Variants in CCDC85A observed in about 807,000 individuals in gnomAD.
CCDC85A encodes coiled-coil domain containing 85A.
Under a neutral mutation model 50.2 loss-of-function variants are expected in CCDC85A, and 38 were observed. That is an observed-to-expected ratio of 0.76 (90% CI 0.58 to 0.99). The LOEUF (loss-of-function observed/expected upper bound fraction) is 0.99. Ranked by LOEUF, CCDC85A falls within the 50% of genes least tolerant of loss-of-function variation. The pLI, the probability that CCDC85A is intolerant of heterozygous loss-of-function variation, is 0.00. For missense variants in CCDC85A, 820 were observed against 742.0 expected (o/e 1.11, Z -1.22); for synonymous variants, 366 against 301.4 (o/e 1.21, Z -2.22).
At chr2:56,205,680 T>C (rs1237676039) in intron 2 of CCDC85A, among the ~76,000 whole-genome samples, 1 of 152,168 alleles carries the variant, frequency 6.6e-6, no homozygotes, top group Non-Finnish European at 1.5e-5. Context: ...TTCATTTGCT[T>C]TGTATAAATC....
At chr2:56,373,863 A>G (rs1676203508) in intron 4 of CCDC85A, among the ~76,000 whole-genome samples, 1 of 152,184 alleles carries the variant, frequency 6.6e-6, no homozygotes. Context: ...TACTCAGGAA[A>G]GAGGAGCTTC....
chr2:56,219,093 A>G (rs555144531), intron 2 of CCDC85A, among the ~76,000 whole-genome samples: 96 of 150,772 alleles, frequency 6.4e-4, no homozygotes, highest in South Asian at 5.3e-3. Flanking sequence ...TGAATTTTGT[A>G]TATACTATTT....
intron 5 of CCDC85A, among the ~76,000 whole-genome samples, chr2:56,382,992 A>T (rs1044480375): frequency 6.6e-6 from 1 of 151,962 alleles, no homozygotes; most frequent in African/African-American, 2.4e-5. Flanking sequence ...GACTTTCCTA[A>T]GTCTCTTGTG....
intron 2 of CCDC85A, among the ~76,000 whole-genome samples, chr2:56,208,179 A>C (rs757595017): frequency 2.0e-5 from 3 of 150,960 alleles, no homozygotes; most frequent in Non-Finnish European, 4.4e-5. Flanking sequence ...CCATACAATG[A>C]GGTCACATGT....
At chr2:56,187,287 C>T (rs2103809039) in intron 1 of CCDC85A, among the ~76,000 whole-genome samples, 1 of 152,186 alleles carries the variant, frequency 6.6e-6, no homozygotes, top group African/African-American at 2.4e-5. Context: ...AATACATTTT[C>T]TTTTTTATGC....
intron 3 of CCDC85A, among the ~76,000 whole-genome samples, chr2:56,369,022 C>T (rs1675945298): frequency 6.6e-6 from 1 of 151,872 alleles, no homozygotes; most frequent in Admixed American, 6.6e-5. Flanking sequence ...GTAATTTTCC[C>T]TACTGCAGAG....
chr2:56,271,766 T>C (rs1670709510), intron 2 of CCDC85A, among the ~76,000 whole-genome samples: 2 of 152,228 alleles, frequency 1.3e-5, no homozygotes, highest in Middle Eastern at 3.4e-3. Context: ...AAGCACCAGG[T>C]CAGGAAGCTA....
At chr2:56,253,751 T>TAGC (rs1669868634) in intron 2 of CCDC85A, among the ~76,000 whole-genome samples, 1 of 152,200 alleles carries the variant, frequency 6.6e-6, no homozygotes, top group Admixed American at 6.5e-5. Flanking sequence ...ATTGATGGAT[T>TAGC]AGCCATAGAG....
At position 56,385,257 on chromosome 2, in the gene CCDC85A, G is replaced by A. The variant is rs1222383956; in HGVS notation, c.*902G>A. On this transcript the variant is annotated 3_prime_UTR_variant, in exon 6 of 6. Transcript: ENST00000407595. ...ATGCTGTATATTTAATAAACTTTATGTAAACTTTAAAATATTGCACTGCAT... is the reference window on the plus strand; with the variant it reads ...ATGCTGTATATTTAATAAACTTTATATAAACTTTAAAATATTGCACTGCAT... The A allele has an allele frequency of 6.6e-6, 1 of 152,116 alleles. No individual in the cohort carries two copies. Among genetic ancestry groups the A allele is most frequent in the African/African-American group, 2.4e-5 (1 of 41,352 alleles). 9.4% of individuals were successfully genotyped at this position (152,116 alleles called of 1,614,324 possible).
chr2:56,296,905 A>G (rs1337903419), intron 2 of CCDC85A, among the ~76,000 whole-genome samples: 2 of 152,344 alleles, frequency 1.3e-5, no homozygotes, highest in Non-Finnish European at 1.5e-5. Context: ...AAATAGAATA[A>G]CACCATATAG....
chr2:56,381,871 C>A (rs778413761), intron 5 of CCDC85A, among the ~76,000 whole-genome samples: 1 of 151,992 alleles, frequency 6.6e-6, no homozygotes, highest in African/African-American at 2.4e-5. Flanking sequence ...TGTTTGCCTG[C>A]ACTTTCAAAA....
In CCDC85A at chr2:56,291,010, G is replaced by A. The variant is rs577416009; in HGVS notation, c.1241-51869G>A. On this transcript the variant is annotated intron_variant, in intron 2 of 5. Coordinates refer to ENST00000407595, the MANE Select transcript of CCDC85A (RefSeq NM_001080433.2). ...GTGTTTTGCAGATTCATTTGACCATGTAACTCTTTTGGGGGATTATTTGAA... is the reference window on the plus strand; with the variant it reads ...GTGTTTTGCAGATTCATTTGACCATATAACTCTTTTGGGGGATTATTTGAA... Among the ~76,000 whole-genome samples, 17 of 152,332 alleles carry A rather than the reference G, an allele frequency of 1.1e-4. No individual in the cohort carries two copies. In the East Asian group the frequency reaches 1.5e-3, roughly 14 times the overall value.
At position 56,184,228 on chromosome 2, in the gene CCDC85A, G is replaced by A. The variant is rs960489; in HGVS notation, c.-397G>A. 880,765 of 985,526 alleles carry A rather than the reference G, an allele frequency of 0.89. 394,177 individuals are homozygous for A. Among genetic ancestry groups the A allele is most frequent in the Non-Finnish European group, 0.9 (746,260 of 825,870 alleles). The allele number at this position is 985,526 out of a possible 1,614,324, so 61.0% of individuals were successfully genotyped here. A position where few individuals can be genotyped will look rare whatever the true frequency, so the allele number is the denominator to read the frequency against. On this transcript the variant is annotated 5_prime_UTR_variant, in exon 1 of 6. Transcript: ENST00000407595. Reference sequence around the variant, plus strand: ...GCGTGTGCGTGCACGCCTGTGTGCAGGGCAGAGAGTGCGGGGGGCGACAGT... The same window carrying A: ...GCGTGTGCGTGCACGCCTGTGTGCAAGGCAGAGAGTGCGGGGGGCGACAGT...
chr2:56,250,794 T>C (rs1199665836), intron 2 of CCDC85A, among the ~76,000 whole-genome samples: 1 of 152,108 alleles, frequency 6.6e-6, no homozygotes, highest in African/African-American at 2.4e-5. Context: ...ATTGCTAGAG[T>C]TGATCTATTG....
chr2:56,288,557 A>T (rs1473989191), intron 2 of CCDC85A, among the ~76,000 whole-genome samples: 1 of 152,034 alleles, frequency 6.6e-6, no homozygotes, highest in Non-Finnish European at 1.5e-5. Context: ...TTGATGTGTG[A>T]GACATAATTA....
chr2:56,349,819 T>C (rs2104340283), intron 3 of CCDC85A, among the ~76,000 whole-genome samples: 1 of 152,304 alleles, frequency 6.6e-6, no homozygotes, highest in Admixed American at 6.5e-5. Flanking sequence ...ATTCTATCTT[T>C]GAATGAAGGT....
intron 2 of CCDC85A, among the ~76,000 whole-genome samples, chr2:56,302,253 C>T (rs1017744391): frequency 3.3e-5 from 5 of 151,996 alleles, no homozygotes; most frequent in African/African-American, 1.2e-4. Context: ...GAGACTCCAT[C>T]TTCAAAAAAT....
chr2:56,362,002 T>G (rs1675550628), intron 3 of CCDC85A, among the ~76,000 whole-genome samples: 1 of 152,034 alleles, frequency 6.6e-6, no homozygotes, highest in African/African-American at 2.4e-5. Flanking sequence ...GGGGTTAGAC[T>G]CACAGTGTGT....
intron 2 of CCDC85A, among the ~76,000 whole-genome samples, chr2:56,333,955 T>A (rs1025623962): frequency 6.6e-6 from 1 of 152,214 alleles, no homozygotes; most frequent in Non-Finnish European, 1.5e-5. Context: ...GATTCCAGAA[T>A]ATGGGTCTTC....
Sources: gnomAD v4.1 joint callset for allele counts (sites outside exome capture counted in the v4.1 genomes callset) on GRCh38, gnomAD v4.1.1 for gene constraint, MANE v1.5 for transcripts, NCBI Gene and HGNC (gene_info 2026-07-23, HGNC 2026-07-21) for gene names.